The following TBC1D5 variants were observed in gnomAD, a reference collection of about 807,000 sequenced individuals.
TBC1D5 encodes the protein TBC1 domain family member 5.
In TBC1D5, 75 loss-of-function variants were observed where a neutral mutation model predicts 100.3. The observed-to-expected ratio is 0.75, with a 90% CI of 0.62 to 0.91. TBC1D5 has a LOEUF of 0.91. Ranked by LOEUF, TBC1D5 falls within the 40% of genes least tolerant of loss-of-function variation. The pLI is 0.00. For missense variants in TBC1D5, 910 were observed against 942.4 expected (o/e 0.97, Z 0.45); for synonymous variants, 323 against 325.6 (o/e 0.99, Z 0.09).
chr3:17,192,546 C>T (rs906630674), intron 18 of TBC1D5, among the ~76,000 whole-genome samples: 3 of 152,134 alleles, frequency 2.0e-5, no homozygotes, highest in Non-Finnish European at 4.4e-5. Flanking sequence ...AATAAAGATG[C>T]TTACAAAATC....
intron 15 of TBC1D5, among the ~76,000 whole-genome samples, chr3:17,291,649 G>C (rs2081754148): frequency 6.6e-6 from 1 of 152,176 alleles, no homozygotes; most frequent in Admixed American, 6.5e-5. Context: ...GAAAAGCATA[G>C]AATAACCTTC....
chr3:17,460,698 T>C (rs991661071), intron 3 of TBC1D5, among the ~76,000 whole-genome samples: 1 of 151,978 alleles, frequency 6.6e-6, no homozygotes, highest in Non-Finnish European at 1.5e-5. Context: ...CACTCTTGCA[T>C]ATATACATAT....
At chr3:17,473,722 T>C (rs1482634057) in intron 3 of TBC1D5, among the ~76,000 whole-genome samples, 1 of 152,198 alleles carries the variant, frequency 6.6e-6, no homozygotes, top group Non-Finnish European at 1.5e-5. Flanking sequence ...TGTCTATGAA[T>C]AAACAGATCA....
intron 13 of TBC1D5, among the ~76,000 whole-genome samples, chr3:17,353,434 A>C (rs1188270540): frequency 6.6e-6 from 1 of 152,046 alleles, no homozygotes; most frequent in African/African-American, 2.4e-5. Flanking sequence ...TATTAGGGAA[A>C]ATGACACAAG....
Position 17,708,442 on chromosome 3 carries a change from C to G in TBC1D5, c.-101+30901G>C, listed in dbSNP as rs112997730. ...ACACATATCCTTTCTGTACAAGTTT[C>G]TTTGTTCACTTGTGTTTCTCTAAAA... On this transcript the variant is annotated intron_variant, in intron 1 of 21. Transcript: ENST00000253692. Among the ~76,000 whole-genome samples, 336 of 152,292 alleles carry G rather than the reference C, an allele frequency of 2.2e-3. 1 individual carries two copies. The highest frequency in any genetic ancestry group is 4.1e-3 in the Non-Finnish European group (280 of 68,002).
At chr3:17,467,846 G>C (rs914429625) in intron 3 of TBC1D5, among the ~76,000 whole-genome samples, 4 of 152,118 alleles carry the variant, frequency 2.6e-5, no homozygotes, top group African/African-American at 9.7e-5. Context: ...GCAATGAGCC[G>C]AGATCATGAC....
chr3:17,268,119 T>G (rs1224641024), intron 15 of TBC1D5, among the ~76,000 whole-genome samples: 1 of 152,004 alleles, frequency 6.6e-6, no homozygotes, highest in East Asian at 1.9e-4. Flanking sequence ...GAAGAGTCCA[T>G]GTAGATGGAC....
intron 3 of TBC1D5, among the ~76,000 whole-genome samples, chr3:17,463,724 T>C (rs992669259): frequency 6.6e-6 from 1 of 152,258 alleles, no homozygotes; most frequent in Non-Finnish European, 1.5e-5. Context: ...TCAGTAATAA[T>C]GATCCTGTCA....
chr3:17,358,809 C>T (rs2091453664), intron 13 of TBC1D5, among the ~76,000 whole-genome samples: 1 of 152,046 alleles, frequency 6.6e-6, no homozygotes, highest in Non-Finnish European at 1.5e-5. Context: ...TTAAACCCTA[C>T]ATACCATTTA....
At chr3:17,694,929 T>TG in intron 1 of TBC1D5, among the ~76,000 whole-genome samples, 1 of 152,244 alleles carries the variant, frequency 6.6e-6, no homozygotes, top group South Asian at 2.1e-4. Context: ...CAGAAGACAG[T>TG]GGGGGCCAAT....
At chr3:17,282,869 T>C (rs2080761620) in intron 15 of TBC1D5, among the ~76,000 whole-genome samples, 1 of 152,226 alleles carries the variant, frequency 6.6e-6, no homozygotes, top group African/African-American at 2.4e-5. Flanking sequence ...AATAAAAATT[T>C]ATTAGAGACT....
chr3:17,380,828 T>C (rs2092917584), intron 9 of TBC1D5, among the ~76,000 whole-genome samples: 1 of 152,094 alleles, frequency 6.6e-6, no homozygotes, highest in Non-Finnish European at 1.5e-5. Context: ...TCTCTGCAAT[T>C]TCAATTAACT....
chr3:17,536,285 T>G (rs1186985494), intron 2 of TBC1D5, among the ~76,000 whole-genome samples: 2 of 152,122 alleles, frequency 1.3e-5, no homozygotes, highest in Non-Finnish European at 2.9e-5. Flanking sequence ...TACAACAACT[T>G]TTATCTGTTA....
At chr3:17,394,200 T>C (rs2093436711) in intron 8 of TBC1D5, among the ~76,000 whole-genome samples, 1 of 152,154 alleles carries the variant, frequency 6.6e-6, no homozygotes, top group East Asian at 1.9e-4. Context: ...TATCTACTTA[T>C]TTAGTCTCCA....
At chr3:17,420,452 A>G (rs2094181609) in intron 4 of TBC1D5, among the ~76,000 whole-genome samples, 1 of 152,188 alleles carries the variant, frequency 6.6e-6, no homozygotes, top group Non-Finnish European at 1.5e-5. Flanking sequence ...GAAATTAAGT[A>G]TTATATAGAG....
In TBC1D5 at chr3:17,428,433, A is replaced by G; in HGVS notation, c.167+17T>C. The G allele has an allele frequency of 1.5e-5, 12 of 777,116 alleles. No homozygotes were observed. Among genetic ancestry groups the G allele is most frequent in the African/African-American group, 1.8e-5 (1 of 54,070 alleles). The allele number at this position is 777,116 out of a possible 1,614,324, so 48.1% of individuals were successfully genotyped here. ...TGTGTATATATATATATATATATAT[A>G]TGTATTCATCACCTACCTATAGGAA... On this transcript the variant is annotated intron_variant, in intron 4 of 21. Transcript: ENST00000253692.
chr3:17,460,917 CAG>C (rs1398782372), intron 3 of TBC1D5, among the ~76,000 whole-genome samples: 1 of 152,034 alleles, frequency 6.6e-6, no homozygotes, highest in Non-Finnish European at 1.5e-5. Flanking sequence ...ATAAAAAGCT[CAG>C]AGAACTGGAA....
At chr3:17,242,856 T>G (rs1341844343) in intron 16 of TBC1D5, among the ~76,000 whole-genome samples, 1 of 152,180 alleles carries the variant, frequency 6.6e-6, no homozygotes, top group Non-Finnish European at 1.5e-5. Context: ...TACTAATTAC[T>G]TTGAAATGAA....
intron 2 of TBC1D5, among the ~76,000 whole-genome samples, chr3:17,604,580 GTAGCT>G (rs1438388329): frequency 6.6e-6 from 1 of 152,134 alleles, no homozygotes; most frequent in Non-Finnish European, 1.5e-5. Flanking sequence ...TTGACCCTCA[GTAGCT>G]TAGTCTATTT....
Sources: allele counts gnomAD v4.1 joint callset (sites outside exome capture counted in the v4.1 genomes callset), GRCh38; gene constraint gnomAD v4.1.1; transcripts MANE v1.5; gene names NCBI Gene and HGNC (gene_info 2026-07-23, HGNC 2026-07-21).